The following SH3PXD2A variants were observed in gnomAD, a reference collection of about 807,000 sequenced individuals.
The protein encoded by SH3PXD2A is SH3 and PX domain-containing protein 2A.
In SH3PXD2A, 32 loss-of-function variants were observed where a neutral mutation model predicts 115.2. That is an observed-to-expected ratio of 0.28 (90% CI 0.21 to 0.37). The LOEUF is 0.37. SH3PXD2A is among the 10% of genes least tolerant of loss of function. The pLI is 1.00. For synonymous variants in SH3PXD2A, 610 were observed against 629.1 expected (o/e 0.97, Z 0.45); for missense variants, 1,328 against 1,498.7 (o/e 0.89, Z 1.88).
intron 5 of SH3PXD2A, among the ~76,000 whole-genome samples, chr10:103,712,587 G>C (rs2038059127): frequency 6.6e-6 from 1 of 152,208 alleles, no homozygotes; most frequent in Non-Finnish European, 1.5e-5. Context: ...TGCCCTGGGG[G>C]GCCTGGACCA....
intron 8 of SH3PXD2A, among the ~76,000 whole-genome samples, chr10:103,648,421 C>A (rs1367308601): frequency 2.0e-5 from 3 of 152,202 alleles, no homozygotes; most frequent in African/African-American, 7.2e-5. Context: ...TAAAGTAATA[C>A]TTCTGGTTGT....
chr10:103,658,283 G>A (rs1216724703), intron 8 of SH3PXD2A, among the ~76,000 whole-genome samples: 1 of 152,228 alleles, frequency 6.6e-6, no homozygotes, highest in Non-Finnish European at 1.5e-5. Context: ...CAGAGTCCTG[G>A]CACCCTGTGG....
chr10:103,659,851 C>T (rs1213281177), intron 8 of SH3PXD2A, among the ~76,000 whole-genome samples: 1 of 152,150 alleles, frequency 6.6e-6, no homozygotes, highest in Non-Finnish European at 1.5e-5. Context: ...CCCCAGGAGG[C>T]CCACTGGGAT....
At chr10:103,798,279 T>G (rs1412473913) in intron 2 of SH3PXD2A, among the ~76,000 whole-genome samples, 1 of 152,174 alleles carries the variant, frequency 6.6e-6, no homozygotes, top group Non-Finnish European at 1.5e-5. Context: ...TGTGAATGTA[T>G]GCTTCACGAC....
chr10:103,602,333 C>T lies in SH3PXD2A; in HGVS notation c.2885G>A (p.Gly962Asp), dbSNP rs1213660252. 6.2e-7 allele frequency: 1 copy of T among 1,613,556 alleles called. No individual in the cohort carries two copies. Among genetic ancestry groups the T allele is most frequent in the Non-Finnish European group, 8.5e-7 (1 of 1,179,838 alleles). ...KPPGGFGKTSGTPAVKMRNGV... is the reference protein window; with the variant it reads ...KPPGGFGKTSDTPAVKMRNGV... Reference sequence around the variant, plus strand: ...GTTCCTCATCTTCACCGCTGGAGTGCCTGAGGTCTTGCCGAAGCCCCCGGG... The same window carrying T: ...GTTCCTCATCTTCACCGCTGGAGTGTCTGAGGTCTTGCCGAAGCCCCCGGG... The change falls in exon 15 of 15, where the codon GGC becomes GAC. Residue 962 changes from glycine to aspartate, a missense_variant. Gly to Asp is a moderately conservative substitution (Grantham distance 94). Around this residue, in one of 5 missense-constraint regions of SH3PXD2A, gnomAD observed 574 missense variants for 565.7 expected, o/e 1.01. Coordinates refer to ENST00000369774, the MANE Select transcript of SH3PXD2A (RefSeq NM_001394015.1).
At chr10:103,842,492 G>T (rs1046391318) in intron 1 of SH3PXD2A, among the ~76,000 whole-genome samples, 1 of 151,960 alleles carries the variant, frequency 6.6e-6, no homozygotes, top group Non-Finnish European at 1.5e-5. Context: ...ATACTAAAAC[G>T]TATTATTTCT....
intron 1 of SH3PXD2A, among the ~76,000 whole-genome samples, chr10:103,811,915 A>T (rs1450390465): frequency 6.6e-6 from 1 of 152,242 alleles, no homozygotes; most frequent in Non-Finnish European, 1.5e-5. Flanking sequence ...GAACGCAAGA[A>T]CAACCACAGT....
At chr10:103,706,691 G>A (rs1224662576) in intron 5 of SH3PXD2A, among the ~76,000 whole-genome samples, 1 of 152,138 alleles carries the variant, frequency 6.6e-6, no homozygotes, top group Non-Finnish European at 1.5e-5. Flanking sequence ...GCTGCCGGAT[G>A]GTCTCAAGAG....
intron 5 of SH3PXD2A, among the ~76,000 whole-genome samples, chr10:103,721,864 T>C (rs906825946): frequency 6.6e-6 from 1 of 151,876 alleles, no homozygotes; most frequent in Non-Finnish European, 1.5e-5. Context: ...CCTGAGGAGC[T>C]TCAGGACCAC....
intron 6 of SH3PXD2A, among the ~76,000 whole-genome samples, chr10:103,692,282 C>G (rs2134128660): frequency 6.6e-6 from 1 of 152,292 alleles, no homozygotes; most frequent in East Asian, 1.9e-4. Flanking sequence ...CAATCCTGCT[C>G]TACCCTCAGC....
intron 3 of SH3PXD2A, among the ~76,000 whole-genome samples, chr10:103,744,910 T>G (rs770330428): frequency 9.9e-5 from 15 of 152,234 alleles, no homozygotes; most frequent in Non-Finnish European, 2.1e-4. Context: ...CTTTTAATTA[T>G]TACAGTGCCC....
intron 6 of SH3PXD2A, among the ~76,000 whole-genome samples, chr10:103,679,238 G>A: frequency 6.6e-6 from 1 of 152,236 alleles, no homozygotes. Context: ...CTGGCCAGGA[G>A]TCCTCTGAGG....
intron 6 of SH3PXD2A, among the ~76,000 whole-genome samples, chr10:103,678,564 T>A (rs1218242586): frequency 6.6e-6 from 1 of 152,218 alleles, no homozygotes; most frequent in Non-Finnish European, 1.5e-5. Flanking sequence ...CCTGGTTGCC[T>A]TTCCCAGCGT....
intron 6 of SH3PXD2A, among the ~76,000 whole-genome samples, chr10:103,670,770 C>T (rs2037447573): frequency 6.6e-6 from 1 of 152,240 alleles, no homozygotes; most frequent in Non-Finnish European, 1.5e-5. Flanking sequence ...AATGCTGGCC[C>T]AGCTTTCAAG....
intron 2 of SH3PXD2A, among the ~76,000 whole-genome samples, chr10:103,777,238 C>T (rs1214068754): frequency 3.9e-5 from 6 of 152,258 alleles, no homozygotes; most frequent in South Asian, 2.1e-4. Flanking sequence ...ATTCTTATCA[C>T]CCCTGTCACC....
intron 2 of SH3PXD2A, among the ~76,000 whole-genome samples, chr10:103,797,038 A>G (rs77745124): frequency 2.9e-4 from 44 of 151,318 alleles, no homozygotes; most frequent in African/African-American, 1.0e-3. Context: ...AATTTTTTTT[A>G]TTTTTTGTAG....
At chr10:103,737,805 C>T (rs1161241010) in intron 3 of SH3PXD2A, among the ~76,000 whole-genome samples, 1 of 152,172 alleles carries the variant, frequency 6.6e-6, no homozygotes, top group Non-Finnish European at 1.5e-5. Flanking sequence ...GACAGGGGAC[C>T]CAGGGGCCAT....
intron 2 of SH3PXD2A, among the ~76,000 whole-genome samples, chr10:103,797,125 A>T (rs992426802): frequency 1.3e-5 from 2 of 152,142 alleles, no homozygotes; most frequent in African/African-American, 2.4e-5. Flanking sequence ...TGGCCTCTCA[A>T]GGTGCTGGGA....
chr10:103,773,951 T>C (rs1487546336), intron 2 of SH3PXD2A, among the ~76,000 whole-genome samples: 1 of 152,182 alleles, frequency 6.6e-6, no homozygotes, highest in Non-Finnish European at 1.5e-5. Context: ...CCCTGGCTGA[T>C]CTTGAACTCC....
Sources: allele counts gnomAD v4.1 joint callset (sites outside exome capture counted in the v4.1 genomes callset), GRCh38; gene constraint gnomAD v4.1.1; regional missense constraint gnomAD v4.1.1; transcripts MANE v1.5; gene names NCBI Gene and HGNC (gene_info 2026-07-23, HGNC 2026-07-21).